The following TRIM23 variants were observed in gnomAD, a reference collection of about 807,000 sequenced individuals.
TRIM23 encodes E3 ubiquitin-protein ligase TRIM23.
Under a neutral mutation model 71.0 loss-of-function variants are expected in TRIM23, and 27 were observed. The observed-to-expected ratio is 0.38, with a 90% CI of 0.28 to 0.52. The LOEUF is 0.52. TRIM23 is among the 20% of genes least tolerant of loss of function. TRIM23 has a pLI of 0.84. For synonymous variants in TRIM23, 234 were observed against 238.0 expected (o/e 0.98, Z 0.16); for missense variants, 482 against 692.3 (o/e 0.70, Z 3.41).
intron 4 of TRIM23, 56 bp downstream of exon 4, chr5:65,611,547 T>C: frequency 6.4e-7 from 1 of 1,559,558 alleles, no homozygotes; most frequent in Non-Finnish European, 8.7e-7. Flanking sequence ...TGAAAACGAA[T>C]ACTGAGCTGG....
chr5:65,622,021 T>G (rs530353362), intron 1 of TRIM23, among the ~76,000 whole-genome samples: 4 of 151,840 alleles, frequency 2.6e-5, no homozygotes, highest in Non-Finnish European at 1.5e-5. Flanking sequence ...TTTGTAGAGA[T>G]AGGATCTCAC....
chr5:65,602,168 T>G (rs1444044733), intron 7 of TRIM23, among the ~76,000 whole-genome samples: 1 of 152,248 alleles, frequency 6.6e-6, no homozygotes, highest in Non-Finnish European at 1.5e-5. Flanking sequence ...TTTTACGCTC[T>G]GCTTCCCTTA....
At position 65,591,783 on chromosome 5, in the gene TRIM23, A is replaced by G. The variant is rs1044971019; in HGVS notation, c.1711T>C (p.Leu571=). The G allele has an allele frequency of 6.2e-6, 10 of 1,609,798 alleles. No homozygotes were observed. Among genetic ancestry groups the G allele is most frequent in the East Asian group, 2.2e-5 (1 of 44,816 alleles). Residue 571 remains leucine (L), a synonymous_variant, in exon 11 of 11, where the codon TTG becomes CTG. Coordinates refer to ENST00000231524, the MANE Select transcript of TRIM23 (RefSeq NM_001656.4). The part of the protein sequence containing the change: ...LSRQLVAAGV[L]DVA Reference sequence around the variant, plus strand: ...TGCCTTTAAAATCAAGCAACATCCAATACTCCAGCAGCTACAAGTTGCCGT... The same window carrying G: ...TGCCTTTAAAATCAAGCAACATCCAGTACTCCAGCAGCTACAAGTTGCCGT...
rs79719158 is a variant in TRIM23 at position 65,608,596 on chromosome 5, G to A, written c.1044+647C>T. On this transcript the variant is annotated intron_variant, in intron 6 of 10. Transcript: ENST00000231524. ...CTGCAGCTTTTCTGAAATTCCTAGG[G>A]CAATAGTTATTCTTATACCTCACAC... Among the ~76,000 whole-genome samples, 291 of 152,226 alleles carry A rather than the reference G, an allele frequency of 1.9e-3. 2 individuals are homozygous for A. The highest frequency in any genetic ancestry group is 6.7e-3 in the African/African-American group (280 of 41,540).
chr5:65,621,433 T>A (rs1411765325), intron 1 of TRIM23, among the ~76,000 whole-genome samples: 4 of 152,220 alleles, frequency 2.6e-5, no homozygotes, highest in African/African-American at 7.2e-5. Context: ...AAAGTAAATT[T>A]ATGACAATAA....
Position 65,590,303 on chromosome 5 carries a change from C to T in TRIM23, c.*1466G>A, listed in dbSNP as rs773127401. On this transcript the variant is annotated 3_prime_UTR_variant, in exon 11 of 11. Coordinates refer to ENST00000231524, the MANE Select transcript of TRIM23 (RefSeq NM_001656.4). ...CACCTGTAACAGCATGACCTTTTAC[C>T]TGAAAAATAAAGGATGAAATATTAC... is the stretch of plus-strand genomic sequence containing the variant. The T allele has an allele frequency of 1.4e-6, 2 of 1,413,444 alleles. No individual in the cohort carries two copies. The highest frequency in any genetic ancestry group is 1.9e-5 in the Admixed American group (1 of 52,816). 87.6% of individuals were successfully genotyped at this position (1,413,444 alleles called of 1,614,324 possible).
Position 65,597,116 on chromosome 5 carries a change from G to C in TRIM23, c.1244C>G (p.Ala415Gly). ...CTTAAACAAGATAGTAGTTTTTCCA[G>C]CACCATCCAATCCTAACGTAACGAC... ...IRVVTLGLDG[A>G]GKTTILFKLK... Residue 415 changes from alanine to glycine, a missense_variant, in exon 8 of 11, where the codon GCT (alanine) becomes GGT (glycine). Coordinates refer to ENST00000231524, the MANE Select transcript of TRIM23 (RefSeq NM_001656.4). 1 of 1,614,112 alleles carries C rather than the reference G, an allele frequency of 6.2e-7. No homozygotes were observed.
chr5:65,597,220 T>TA, intron 7 of TRIM23, 40 bp from the exon 8 acceptor site: 5 of 1,593,832 alleles, frequency 3.1e-6, no homozygotes, highest in Non-Finnish European at 4.3e-6. Flanking sequence ...GACATGCAGT[T>TA]AGAAAGTAAT....
chr5:65,616,227 A>C (rs537773603), intron 2 of TRIM23, among the ~76,000 whole-genome samples: 8 of 152,324 alleles, frequency 5.3e-5, no homozygotes, highest in South Asian at 2.1e-4. Flanking sequence ...GATTCAGAGA[A>C]GTCAGAGAGG....
chr5:65,590,646 TACTC>T lies in TRIM23; in HGVS notation c.*1119_*1122del. The T allele has an allele frequency of 2.0e-6, 2 of 987,942 alleles. No homozygotes were observed. Among genetic ancestry groups the T allele is most frequent in the Non-Finnish European group, 2.4e-6 (2 of 827,824 alleles). 61.2% of individuals were successfully genotyped at this position (987,942 alleles called of 1,614,324 possible). A position where few individuals can be genotyped will look rare whatever the true frequency, so the allele number is the denominator to read the frequency against. On this transcript the variant is annotated 3_prime_UTR_variant, in exon 11 of 11. Transcript: ENST00000231524. The stretch of plus-strand genomic sequence containing the variant: ...ACAGTAAAGAGCACACATTTTTATT[TACTC>T]ACAACACTGAATAATTAATGTAAAC...
chr5:65,613,747 A>G, intron 3 of TRIM23: 1 of 1,204,698 alleles, frequency 8.3e-7, no homozygotes, highest in Non-Finnish European at 1.0e-6. Context: ...TCTTTCTCTC[A>G]TTGAGTTTTA....
intron 4 of TRIM23, among the ~76,000 whole-genome samples, 178 bp downstream of exon 4, chr5:65,611,425 T>C (rs988574195): frequency 2.0e-5 from 3 of 152,178 alleles, no homozygotes; most frequent in Admixed American, 6.5e-5. Context: ...GTTTTTTTTT[T>C]TTTATAACAT....
Position 65,605,050 on chromosome 5 carries a change from A to C in TRIM23, c.1045-5T>G, listed in dbSNP as rs373501137. ...CAAGACAACTCTACAATCATCCTAT[A>C]AGAGGCAAAACAATATTTCTTATAA... is the stretch of plus-strand genomic sequence containing the variant. On this transcript the variant is annotated splice_region_variant and splice_polypyrimidine_tract_variant and intron_variant, in intron 6 of 10. Coordinates refer to ENST00000231524, the MANE Select transcript of TRIM23 (RefSeq NM_001656.4). The C allele has an allele frequency of 1.2e-5, 19 of 1,599,936 alleles. No homozygotes were observed. The African/African-American group carries it at 2.3e-4, about 19-fold the overall frequency.
intron 3 of TRIM23, chr5:65,613,659 T>C: frequency 1.8e-6 from 2 of 1,121,448 alleles, no homozygotes; most frequent in South Asian, 2.1e-5. Flanking sequence ...GCTATAACAG[T>C]AACAATTCCC....
rs150447829 is a variant in TRIM23 at position 65,590,918 on chromosome 5, A to G, written c.*851T>C. On this transcript the variant is annotated 3_prime_UTR_variant, in exon 11 of 11. Transcript: ENST00000231524. The stretch of plus-strand genomic sequence containing the variant: ...GCGTTACTTACTACATTTTACCTAT[A>G]GTCATTCCCACAAAGGATGCAATAT... 4,194 of 985,238 alleles carry G rather than the reference A, an allele frequency of 4.3e-3. 12 individuals carry two copies. Among genetic ancestry groups the G allele is most frequent in the Non-Finnish European group, 4.8e-3 (3,975 of 829,758 alleles). The allele number at this position is 985,238 out of a possible 1,614,324, so 61.0% of individuals were successfully genotyped here. A position where few individuals can be genotyped will look rare whatever the true frequency, so the allele number is the denominator to read the frequency against.
rs1753999341 is a variant in TRIM23, at chr5:65,590,786, AAC to A, written c.*981_*982del. 3.1e-5 allele frequency: 31 copies of A among 985,400 alleles called. No homozygotes were observed. The highest frequency in any genetic ancestry group is 3.7e-5 in the Non-Finnish European group (31 of 829,924). 61.0% of individuals were successfully genotyped at this position (985,400 alleles called of 1,614,324 possible). A position where few individuals can be genotyped will look rare whatever the true frequency, so the allele number is the denominator to read the frequency against. On this transcript the variant is annotated 3_prime_UTR_variant, in exon 11 of 11. Transcript: ENST00000231524. Reference sequence around the variant, plus strand: ...CAAAATAAATGCACTTATTTTGGGAAACAGTTTGAAGTAAGTAATAAGCATTT... The same window carrying A: ...CAAAATAAATGCACTTATTTTGGGAAAGTTTGAAGTAAGTAATAAGCATTT...
At chr5:65,611,521 TAAAG>T in intron 4 of TRIM23, 78 bp downstream of exon 4, 11 of 1,476,266 alleles carry the variant, frequency 7.5e-6, no homozygotes, top group Non-Finnish European at 1.0e-5. Context: ...ACTTTCAGAA[TAAAG>T]AACCAGGTCA....
chr5:65,609,238 C>G lies in TRIM23; in HGVS notation c.1044+5G>C. The G allele has an allele frequency of 6.2e-7, 1 of 1,614,100 alleles. No homozygotes were observed. On this transcript the variant is annotated splice_donor_5th_base_variant and intron_variant, in intron 6 of 10. Coordinates refer to ENST00000231524, the MANE Select transcript of TRIM23 (RefSeq NM_001656.4). ...TAAGTCCCTAACCACATTTAAACTACCTACCTGCTGCAAAGTCTTTTCACA... is the reference window on the plus strand; with the variant it reads ...TAAGTCCCTAACCACATTTAAACTAGCTACCTGCTGCAAAGTCTTTTCACA...
intron 7 of TRIM23, among the ~76,000 whole-genome samples, chr5:65,603,962 C>CT (rs34264463): frequency 0.66 from 97,615 of 147,908 alleles, 32,472 homozygotes; most frequent in African/African-American, 0.77. Context: ...GATATTTTGG[C>CT]TTTTTTTTTT....
Sources: allele counts gnomAD v4.1 joint callset (sites outside exome capture counted in the v4.1 genomes callset), GRCh38; gene constraint gnomAD v4.1.1; transcripts MANE v1.5; gene names NCBI Gene and HGNC (gene_info 2026-07-23, HGNC 2026-07-21).